PARPBP: variants seen among roughly 807,000 people sequenced by gnomAD.
The protein encoded by PARPBP is PARP1 binding protein, also known as PCNA-interacting partner.
Under a neutral mutation model 50.0 loss-of-function variants are expected in PARPBP, and 52 were observed. The observed-to-expected ratio is 1.04, with a 90% CI of 0.83 to 1.31. The LOEUF is 1.31. PARPBP is among the 50% of genes most tolerant of loss of function. The pLI, the probability that PARPBP is intolerant of heterozygous loss-of-function variation, is 0.00. For missense variants in PARPBP, 697 were observed against 672.0 expected (o/e 1.04, Z -0.41); for synonymous variants, 244 against 232.1 (o/e 1.05, Z -0.47).
intron 9 of PARPBP, among the ~76,000 whole-genome samples, chr12:102,184,297 C>T (rs1890117682): frequency 1.3e-5 from 2 of 151,864 alleles, no homozygotes; most frequent in Admixed American, 6.6e-5. Context: ...ATGGGGTATC[C>T]ATTCTCTCAA....
chr12:102,161,532 G>T (rs1887590573), intron 4 of PARPBP, among the ~76,000 whole-genome samples: 1 of 152,144 alleles, frequency 6.6e-6, no homozygotes, highest in African/African-American at 2.4e-5. Context: ...AAAACAGATT[G>T]ATTACCTACT....
At chr12:102,140,437 C>G (rs1417278613) in intron 2 of PARPBP, among the ~76,000 whole-genome samples, 1 of 152,108 alleles carries the variant, frequency 6.6e-6, no homozygotes, top group Non-Finnish European at 1.5e-5. Flanking sequence ...AAAAACAGCT[C>G]CTGGGTTCAT....
chr12:102,197,216 G>T lies in PARPBP; in HGVS notation c.*925G>T. The T allele has an allele frequency of 7.3e-7, 1 of 1,375,652 alleles. No homozygotes were observed. Among genetic ancestry groups the T allele is most frequent in the Non-Finnish European group, 1.0e-6 (1 of 969,800 alleles). The allele number at this position is 1,375,652 out of a possible 1,614,324, so 85.2% of individuals were successfully genotyped here. A position where few individuals can be genotyped will look rare whatever the true frequency, so the allele number is the denominator to read the frequency against. ...TTGGTTTTTAGCTATCGTATTCGGA[G>T]TGGAACTATAATACAATTGTATAAT... On this transcript the variant is annotated 3_prime_UTR_variant, in exon 11 of 11. Coordinates refer to ENST00000327680, the MANE Select transcript of PARPBP (RefSeq NM_017915.5).
chr12:102,196,824 T>G lies in PARPBP; in HGVS notation c.*533T>G. 9.6e-7 allele frequency: 1 copy of G among 1,039,060 alleles called. No homozygotes were observed. The highest frequency in any genetic ancestry group is 3.1e-4 in the Middle Eastern group (1 of 3,230). 64.4% of individuals were successfully genotyped at this position (1,039,060 alleles called of 1,614,324 possible). The stretch of plus-strand genomic sequence containing the variant: ...GTAAACCAAAATGATAATAATTAAT[T>G]GTTGCTATTTAATCCCACATTTTTG... On this transcript the variant is annotated 3_prime_UTR_variant, in exon 11 of 11. Transcript: ENST00000327680.
Position 102,196,340 on chromosome 12 carries a change from A to G in PARPBP, c.*49A>G. 1 of 1,192,496 alleles carries G rather than the reference A, an allele frequency of 8.4e-7. No individual in the cohort carries two copies. Among genetic ancestry groups the G allele is most frequent in the Non-Finnish European group, 1.2e-6 (1 of 841,606 alleles). The allele number at this position is 1,192,496 out of a possible 1,614,324, so 73.9% of individuals were successfully genotyped here. On this transcript the variant is annotated 3_prime_UTR_variant, in exon 11 of 11. Coordinates refer to ENST00000327680, the MANE Select transcript of PARPBP (RefSeq NM_017915.5). ...TTTATGTATCTATAAACCATTCACC[A>G]AAGACATGCTTAATTTTTAAGAGAT...
intron 9 of PARPBP, among the ~76,000 whole-genome samples, chr12:102,183,206 G>A (rs1890002269): frequency 6.6e-6 from 1 of 151,954 alleles, no homozygotes; most frequent in Admixed American, 6.6e-5. Context: ...AAGAAATTTG[G>A]CTTTAACTCA....
At chr12:102,138,443 C>G (rs1189875379) in intron 2 of PARPBP, among the ~76,000 whole-genome samples, 1 of 152,086 alleles carries the variant, frequency 6.6e-6, no homozygotes, top group Admixed American at 6.5e-5. Context: ...AATTTTCTCC[C>G]ATTCTGTAGG....
At chr12:102,141,113 A>C (rs1432394974) in intron 2 of PARPBP, among the ~76,000 whole-genome samples, 1 of 152,156 alleles carries the variant, frequency 6.6e-6, no homozygotes, top group Non-Finnish European at 1.5e-5. Flanking sequence ...ACTGTGTGGG[A>C]GTCTAAGTCT....
At chr12:102,186,709 A>G (rs957363998) in intron 9 of PARPBP, among the ~76,000 whole-genome samples, 5 of 152,188 alleles carry the variant, frequency 3.3e-5, no homozygotes, top group Non-Finnish European at 7.4e-5. Flanking sequence ...CACATCAGGC[A>G]CAATTGAAAA....
chr12:102,155,704 A>G (rs928742629), intron 4 of PARPBP, among the ~76,000 whole-genome samples: 28 of 150,940 alleles, frequency 1.9e-4, no homozygotes, highest in East Asian at 1.2e-3. Context: ...TTTTCACCCT[A>G]TTAAATCTTG....
intron 9 of PARPBP, among the ~76,000 whole-genome samples, chr12:102,189,900 A>G (rs557042573): frequency 2.0e-5 from 3 of 152,290 alleles, no homozygotes; most frequent in East Asian, 1.9e-4. Context: ...ATTCAGCTGC[A>G]TGGTTCTTTG....
intron 2 of PARPBP, among the ~76,000 whole-genome samples, chr12:102,132,695 G>A (rs1883052766): frequency 6.6e-6 from 1 of 152,024 alleles, no homozygotes. Flanking sequence ...GTCAAAAATG[G>A]CACTGGAATT....
In PARPBP at chr12:102,179,980, T is replaced by C. The variant is rs559502294; in HGVS notation, c.1184+1210T>C. Among the ~76,000 whole-genome samples, 13 of 152,248 alleles carry C rather than the reference T, an allele frequency of 8.5e-5. No homozygotes were observed. The East Asian group carries it at 2.5e-3, about 29-fold the overall frequency. On this transcript the variant is annotated intron_variant, in intron 8 of 10. Coordinates refer to ENST00000327680, the MANE Select transcript of PARPBP (RefSeq NM_017915.5). ...GGCTTCATGATTGCTTCACATACTC[T>C]CTCCTATGCCTCAGTATCCTTTCTC...
At chr12:102,178,852 T>A (rs1889556067) in intron 8 of PARPBP, 82 bp downstream of exon 8, 1 of 858,210 alleles carries the variant, frequency 1.2e-6, no homozygotes, top group African/African-American at 1.7e-5. Flanking sequence ...GGTAGGAAAC[T>A]TAGAAACTAC....
At chr12:102,189,532 A>T (rs997850857) in intron 9 of PARPBP, among the ~76,000 whole-genome samples, 1 of 152,214 alleles carries the variant, frequency 6.6e-6, no homozygotes, top group Non-Finnish European at 1.5e-5. Context: ...TAAACAATGC[A>T]GTTCTAATGG....
At chr12:102,182,801 A>T (rs1889961216) in intron 9 of PARPBP, among the ~76,000 whole-genome samples, 174 bp downstream of exon 9, 1 of 152,218 alleles carries the variant, frequency 6.6e-6, no homozygotes, top group Non-Finnish European at 1.5e-5. Flanking sequence ...CCTTTTATAC[A>T]GTCTTGACTA....
At chr12:102,156,945 A>G (rs1887018930) in intron 4 of PARPBP, among the ~76,000 whole-genome samples, 1 of 152,244 alleles carries the variant, frequency 6.6e-6, no homozygotes, top group Non-Finnish European at 1.5e-5. Flanking sequence ...CCCAGCCAAC[A>G]TATTTTAGAA....
intron 3 of PARPBP, chr12:102,150,189 A>C (rs1313978883): frequency 2.2e-6 from 1 of 453,872 alleles, no homozygotes; most frequent in Admixed American, 2.4e-5. Flanking sequence ...ATGGTAGTAC[A>C]TGAAGTAGAA....
Position 102,120,188 on chromosome 12 carries a change from C to T in PARPBP, c.-102C>T, listed in dbSNP as rs1335676667. The stretch of plus-strand genomic sequence containing the variant: ...CCTCCCGCGAGGTTTGAACTGTATT[C>T]AGCGGCGACAGCGGCGACTGCGGCG... On this transcript the variant is annotated 5_prime_UTR_variant, in exon 1 of 11. Transcript: ENST00000327680. The T allele has an allele frequency of 4.1e-6, 1 of 244,144 alleles. No individual in the cohort carries two copies. Among genetic ancestry groups the T allele is most frequent in the African/African-American group, 2.3e-5 (1 of 43,310 alleles). 15.1% of individuals were successfully genotyped at this position (244,144 alleles called of 1,614,324 possible).
Sources: allele counts gnomAD v4.1 joint callset (sites outside exome capture counted in the v4.1 genomes callset), GRCh38; gene constraint gnomAD v4.1.1; transcripts MANE v1.5; gene names NCBI Gene and HGNC (gene_info 2026-07-23, HGNC 2026-07-21).